The following WDR72 variants were observed in gnomAD, a reference collection of about 807,000 sequenced individuals.
The protein encoded by WDR72 is WD repeat domain 72, also known as WD repeat-containing protein 72.
A neutral mutation model predicts 124.2 loss-of-function variants in WDR72; 120 were observed. The observed-to-expected ratio is 0.97, with a 90% CI of 0.83 to 1.12. The LOEUF (loss-of-function observed/expected upper bound fraction) is 1.12, where lower values mean the gene tolerates loss of function less well. Among genes scored for constraint, WDR72 ranks in the 50% most tolerant of loss-of-function variants. The pLI is 0.00. For missense variants in WDR72, 1,387 were observed against 1,278.8 expected, an observed-to-expected ratio of 1.08 and a Z score of -1.29; for synonymous variants, 452 against 441.7, an observed-to-expected ratio of 1.02 and a Z score of -0.29.
intron 1 of WDR72, among the ~76,000 whole-genome samples, chr15:53,735,359 C>T (rs114930636): frequency 0.021 from 3,262 of 152,030 alleles, 40 homozygotes; most frequent in Non-Finnish European, 0.024. Context: ...ACGGGGGGAA[C>T]GTACAATGGA....
intron 1 of WDR72, among the ~76,000 whole-genome samples, chr15:53,754,967 T>C (rs961778323): frequency 1.3e-5 from 2 of 152,208 alleles, no homozygotes; most frequent in South Asian, 2.1e-4. Flanking sequence ...CAGAATTCAA[T>C]TGGCTATTTC....
At chr15:53,742,196 G>T (rs776659395) in intron 1 of WDR72, among the ~76,000 whole-genome samples, 1 of 152,142 alleles carries the variant, frequency 6.6e-6, no homozygotes, top group Admixed American at 6.5e-5. Context: ...CCCCAGAAAC[G>T]TAGTGTCTTG....
At chr15:53,627,623 G>T (rs2014263119) in intron 14 of WDR72, among the ~76,000 whole-genome samples, 1 of 152,070 alleles carries the variant, frequency 6.6e-6, no homozygotes, top group South Asian at 2.1e-4. Flanking sequence ...TATAAGTTAG[G>T]CCTGTGGAAA....
intron 14 of WDR72, among the ~76,000 whole-genome samples, chr15:53,645,535 G>A (rs866067978): frequency 2.1e-4 from 32 of 152,114 alleles, no homozygotes; most frequent in Admixed American, 2.0e-4. Flanking sequence ...GTTATAAAAT[G>A]AAGGGTGTCA....
At chr15:53,599,512 A>G (rs1175134341) in intron 17 of WDR72, among the ~76,000 whole-genome samples, 1 of 152,202 alleles carries the variant, frequency 6.6e-6, no homozygotes, top group Admixed American at 6.5e-5. Context: ...AATTAGGATA[A>G]GAGCTTTCAG....
At chr15:53,740,562 C>CT (rs753458945) in intron 1 of WDR72, among the ~76,000 whole-genome samples, 1 of 152,166 alleles carries the variant, frequency 6.6e-6, no homozygotes, top group Non-Finnish European at 1.5e-5. Flanking sequence ...TCCCAAAGTG[C>CT]TGGGATTACA....
At chr15:53,641,829 AT>A in intron 14 of WDR72, among the ~76,000 whole-genome samples, 1 of 151,708 alleles carries the variant, frequency 6.6e-6, no homozygotes, top group Non-Finnish European at 1.5e-5. Flanking sequence ...CATGCTGAAC[AT>A]TATTTTTTGT....
At chr15:53,662,796 G>A (rs893151318) in intron 14 of WDR72, among the ~76,000 whole-genome samples, 3 of 152,080 alleles carry the variant, frequency 2.0e-5, no homozygotes, top group African/African-American at 7.2e-5. Flanking sequence ...CAGGTACAGT[G>A]GTTCACACCT....
chr15:53,680,099 C>G lies in WDR72; in HGVS notation c.1766-14331G>C, dbSNP rs757850289. 7.2e-5 allele frequency among the ~76,000 whole-genome samples: 11 copies of G among 152,082 alleles called. 1 individual carries two copies. Among genetic ancestry groups the G allele is most frequent in the Admixed American group, 1.3e-4 (2 of 15,256 alleles). On this transcript the variant is annotated intron_variant, in intron 13 of 19. Transcript: ENST00000360509. The stretch of plus-strand genomic sequence containing the variant: ...AAATTTTGGCTAAGAGAATGTAGGC[C>G]TATACTCCAAATAACTGGTAGCAAG...
At chr15:53,680,656 A>G (rs2016349253) in intron 13 of WDR72, among the ~76,000 whole-genome samples, 1 of 152,198 alleles carries the variant, frequency 6.6e-6, no homozygotes, top group South Asian at 2.1e-4. Flanking sequence ...AATTTTCTAA[A>G]TTTTTTATTA....
intron 9 of WDR72, among the ~76,000 whole-genome samples, chr15:53,707,554 C>T (rs2017417298): frequency 6.6e-6 from 1 of 152,002 alleles, no homozygotes; most frequent in Non-Finnish European, 1.5e-5. Context: ...TCACACCATT[C>T]TCCTGCCTCA....
chr15:53,573,569 G>A (rs1158046860), intron 18 of WDR72, among the ~76,000 whole-genome samples: 8 of 148,606 alleles, frequency 5.4e-5, no homozygotes, highest in African/African-American at 1.5e-4. Context: ...TTTCGGAGAC[G>A]GAGTCTCGCT....
intron 2 of WDR72, among the ~76,000 whole-genome samples, chr15:53,729,800 A>C (rs78420643): frequency 1.4e-5 from 2 of 143,894 alleles, no homozygotes; most frequent in African/African-American, 5.4e-5. Flanking sequence ...TGGCTATTAC[A>C]AAAAAAAAAA....
chr15:53,529,392 A>C (rs937640878), intron 18 of WDR72, among the ~76,000 whole-genome samples: 3 of 151,822 alleles, frequency 2.0e-5, no homozygotes, highest in Admixed American at 6.6e-5. Context: ...GTTGAAGTAC[A>C]CAGCCTCTTT....
chr15:53,716,305 T>C (rs1055524765), intron 4 of WDR72, among the ~76,000 whole-genome samples: 3 of 152,202 alleles, frequency 2.0e-5, no homozygotes, highest in Non-Finnish European at 4.4e-5. Flanking sequence ...ACTGAATTTT[T>C]ACACATGTAC....
chr15:53,752,555 C>T (rs182186321), intron 1 of WDR72, among the ~76,000 whole-genome samples: 2 of 152,274 alleles, frequency 1.3e-5, no homozygotes, highest in Admixed American at 1.3e-4. Context: ...ACAGAACCTT[C>T]GTCTCACCCT....
intron 18 of WDR72, among the ~76,000 whole-genome samples, chr15:53,577,439 C>G (rs374699435): frequency 6.6e-6 from 1 of 152,028 alleles, no homozygotes; most frequent in Admixed American, 6.6e-5. Flanking sequence ...AGAGATGACT[C>G]AATACCATGT....
chr15:53,635,273 G>C (rs1315549137), intron 14 of WDR72, among the ~76,000 whole-genome samples: 1 of 152,170 alleles, frequency 6.6e-6, no homozygotes, highest in South Asian at 2.1e-4. Flanking sequence ...CGTAGGTAGA[G>C]AACTTAACAG....
chr15:53,650,263 T>C (rs143277486), intron 14 of WDR72, among the ~76,000 whole-genome samples: 124 of 152,220 alleles, frequency 8.1e-4, no homozygotes, highest in Middle Eastern at 3.4e-3. Context: ...AAGAGTGGAA[T>C]TGTGCTTGCT....
Sources: allele counts gnomAD v4.1 joint callset (sites outside exome capture counted in the v4.1 genomes callset), GRCh38; gene constraint gnomAD v4.1.1; transcripts MANE v1.5; gene names NCBI Gene and HGNC (gene_info 2026-07-23, HGNC 2026-07-21).